Variants in CIZ1 observed in about 807,000 individuals in gnomAD.
CIZ1 encodes the protein cip1-interacting zinc finger protein.
Under a neutral mutation model 118.6 loss-of-function variants are expected in CIZ1, and 58 were observed. The observed-to-expected ratio is 0.49, with a 90% CI of 0.40 to 0.61. The LOEUF is 0.61. CIZ1 is among the 20% of genes least tolerant of loss of function. The pLI, the probability that CIZ1 is intolerant of heterozygous loss-of-function variation, is 0.00. For missense variants in CIZ1, 921 were observed against 1,115.9 expected (o/e 0.83, Z 2.49); for synonymous variants, 448 against 443.4 (o/e 1.01, Z -0.13).
At chr9:128,184,890 G>A (rs1188792336) in intron 5 of CIZ1, among the ~76,000 whole-genome samples, 2 of 151,970 alleles carry the variant, frequency 1.3e-5, no homozygotes, top group Non-Finnish European at 2.9e-5. Flanking sequence ...GGCTGGTTTC[G>A]AACCTCTGAC....
upstream of CIZ1, chr9:128,191,956 G>A (rs930375668): frequency 7.2e-7 from 1 of 1,385,020 alleles, no homozygotes; most frequent in Non-Finnish European, 9.4e-7. This position sits in a 1 kb window ranked among gnomAD's most constrained non-coding sequence, Gnocchi z 5.5. Context: ...GAGGGACCCA[G>A]GCCAGGCGAG....
chr9:128,194,313 G>A (rs910709892), upstream of CIZ1, among the ~76,000 whole-genome samples: 2 of 134,534 alleles, frequency 1.5e-5, no homozygotes, highest in Non-Finnish European at 3.0e-5. Flanking sequence ...AGTGAGCCAA[G>A]ATCGTACCAT....
At position 128,188,617 on chromosome 9, in the gene CIZ1, G is replaced by A. The variant is rs73607701; in HGVS notation, c.287-683C>T. 5.4e-3 allele frequency among the ~76,000 whole-genome samples: 815 copies of A among 151,976 alleles called. 8 individuals are homozygous for A. The highest frequency in any genetic ancestry group is 0.019 in the African/African-American group (781 of 41,460). On this transcript the variant is annotated intron_variant, in intron 3 of 16. Coordinates refer to ENST00000372938, the MANE Select transcript of CIZ1 (RefSeq NM_001131016.2). ...CATGAGCCACTGCACCTGGCCAAGA[G>A]TGTGAGTTATTTTCCTTTTTTTTTT... is the stretch of plus-strand genomic sequence containing the variant.
rs1172272973 is a variant in CIZ1, at chr9:128,190,371, C to T, written c.244G>A (p.Gly82Ser). Reference protein sequence around the residue: ...QGTNSASLLNGSMLQRALLLQ... With the variant: ...QGTNSASLLNSSMLQRALLLQ... ...AGCAAAGCTCTCTGCAGCATGGAGCCGTTGAGGAGGGAGGCTGAGTTGGTG... is the reference window on the plus strand; with the variant it reads ...AGCAAAGCTCTCTGCAGCATGGAGCTGTTGAGGAGGGAGGCTGAGTTGGTG... The change falls in exon 3 of 17, where the codon GGC becomes AGC. Residue 82 changes from glycine to serine, a missense_variant. Transcript: ENST00000372938. The T allele has an allele frequency of 3.1e-6, 5 of 1,613,864 alleles. No individual in the cohort carries two copies. The highest frequency in any genetic ancestry group is 2.2e-5 in the East Asian group (1 of 44,892).
Position 128,191,371 on chromosome 9 carries a change from T to G in CIZ1, c.-6+61A>C. On this transcript the variant is annotated intron_variant, in intron 1 of 16. Transcript: ENST00000372938. The surrounding 1 kb of genome is among the most constrained non-coding windows in gnomAD (Gnocchi z 5.5). ...CGCTCCCACCCCGCCAGCCGCCTCCTCCGCAGACACAGCCAGCTCGCAGGC... is the reference window on the plus strand; with the variant it reads ...CGCTCCCACCCCGCCAGCCGCCTCCGCCGCAGACACAGCCAGCTCGCAGGC... 1.7e-6 allele frequency: 1 copy of G among 587,690 alleles called. No homozygotes were observed. The highest frequency in any genetic ancestry group is 2.2e-6 in the Non-Finnish European group (1 of 464,708). The allele number at this position is 587,690 out of a possible 1,614,324, so 36.4% of individuals were successfully genotyped here.
intron 12 of CIZ1, 134 bp downstream of exon 12, chr9:128,169,886 C>T (rs545504726): frequency 4.4e-5 from 44 of 1,003,238 alleles, no homozygotes; most frequent in Non-Finnish European, 6.5e-5. Context: ...CTGACTCCTC[C>T]AGAAACTGCA....
At chr9:128,199,670 A>AC (rs1482224579) in intron 1 of CIZ1, among the ~76,000 whole-genome samples, 1 of 152,084 alleles carries the variant, frequency 6.6e-6, no homozygotes, top group African/African-American at 2.4e-5. Flanking sequence ...GTGCTACTGC[A>AC]CTCCAGTCTG....
intron 11 of CIZ1, among the ~76,000 whole-genome samples, chr9:128,171,764 T>A (rs1389671838): frequency 6.6e-6 from 1 of 151,284 alleles, no homozygotes; most frequent in Non-Finnish European, 1.5e-5. Context: ...ATAAATAAAA[T>A]AATACTTATT....
chr9:128,178,382 C>G lies in CIZ1; in HGVS notation c.1607G>C (p.Arg536Thr), dbSNP rs1340709311. The stretch of plus-strand genomic sequence containing the variant: ...GCCTCTACCCACCCCTGGCATCTCT[C>G]TCGCTCTGTTTTCACATTCTCCCAC... ...LDVGECENRAREMPGVWGAGG... is the reference protein window; with the variant it reads ...LDVGECENRATEMPGVWGAGG... The change falls in exon 9 of 17, where the codon AGA becomes ACA. Residue 536 changes from arginine (R) to threonine (T), a missense_variant. By Grantham distance (71) the Arg-to-Thr change is moderately conservative. Coordinates refer to ENST00000372938, the MANE Select transcript of CIZ1 (RefSeq NM_001131016.2). 1 of 1,613,786 alleles carries G rather than the reference C, an allele frequency of 6.2e-7. No homozygotes were observed. The highest frequency in any genetic ancestry group is 1.1e-5 in the South Asian group (1 of 91,060).
At chr9:128,196,462 C>G (rs938508495), upstream of CIZ1, among the ~76,000 whole-genome samples, 4 of 151,336 alleles carry the variant, frequency 2.6e-5, no homozygotes, top group Admixed American at 6.6e-5. Flanking sequence ...GTGAGAGGAT[C>G]ACTTGGGCCA....
upstream of CIZ1, among the ~76,000 whole-genome samples, chr9:128,193,428 A>G (rs1425056986): frequency 1.3e-5 from 2 of 151,770 alleles, no homozygotes; most frequent in African/African-American, 4.8e-5. Flanking sequence ...CCCAGGCTCT[A>G]CTGGGCACAG....
At chr9:128,177,510 G>T (rs1350935824) in intron 10 of CIZ1, 56 bp downstream of exon 10, 3 of 1,231,942 alleles carry the variant, frequency 2.4e-6, no homozygotes, top group African/African-American at 1.5e-5. Flanking sequence ...GGGAGGGCAG[G>T]CTGGGCATTC....
At chr9:128,190,656 C>A in intron 2 of CIZ1, 32 bp downstream of exon 2, 1 of 1,543,498 alleles carries the variant, frequency 6.5e-7, no homozygotes, top group South Asian at 1.2e-5. Flanking sequence ...AGTAGCAAGG[C>A]TGAAGCCATC....
At chr9:128,175,626 T>C (rs1830757621) in intron 11 of CIZ1, among the ~76,000 whole-genome samples, 1 of 152,234 alleles carries the variant, frequency 6.6e-6, no homozygotes, top group African/African-American at 2.4e-5. Context: ...TTTGATTTGC[T>C]CTCCGTAGGG....
intron 3 of CIZ1, among the ~76,000 whole-genome samples, chr9:128,188,931 T>C (rs1313718340): frequency 6.6e-6 from 1 of 152,206 alleles, no homozygotes; most frequent in Non-Finnish European, 1.5e-5. Context: ...CCTGGGTAGC[T>C]GGGACTACAG....
chr9:128,169,177 C>T lies in CIZ1; in HGVS notation c.2170G>A (p.Ala724Thr), dbSNP rs1482655699. ...ATGAAGTGGTCCTCATCTTGGCCAGCAATTTCTTTCTCAAGCGACTTCAGC... is the reference window on the plus strand; with the variant it reads ...ATGAAGTGGTCCTCATCTTGGCCAGTAATTTCTTTCTCAAGCGACTTCAGC... The part of the protein sequence containing the change: ...KELKSLEKEI[A>T]GQDEDHFITV... The change falls in exon 14 of 17, where the codon GCT (alanine) becomes ACT (threonine). Residue 724 changes from alanine (A) to threonine (T), a missense_variant. Physicochemically the swap from Ala to Thr is moderately conservative, Grantham distance 58 (BLOSUM62 0). Transcript: ENST00000372938. The T allele has an allele frequency of 1.2e-6, 2 of 1,614,100 alleles. No homozygotes were observed. Among genetic ancestry groups the T allele is most frequent in the Non-Finnish European group, 1.7e-6 (2 of 1,180,046 alleles).
intron 1 of CIZ1, among the ~76,000 whole-genome samples, chr9:128,202,370 A>C (rs2131056278): frequency 6.6e-6 from 1 of 152,276 alleles, no homozygotes; most frequent in South Asian, 2.1e-4. Flanking sequence ...TGTCTGTGTG[A>C]AAGGGTACGC....
chr9:128,203,463 C>A lies in CIZ1; in HGVS notation c.-6+723G>T. ...GCCGGATCGCAGCCTGCGGGGCCCGCCGCAGCCATGGGCAACCGCGGCATG... is the reference window on the plus strand; with the variant it reads ...GCCGGATCGCAGCCTGCGGGGCCCGACGCAGCCATGGGCAACCGCGGCATG... On this transcript the variant is annotated intron_variant, in intron 1 of 17. Coordinates refer to the CIZ1 transcript ENST00000372948. This position sits in a 1 kb window ranked among gnomAD's most constrained non-coding sequence, Gnocchi z 5.3. 6.7e-7 allele frequency: 1 copy of A among 1,481,746 alleles called. No homozygotes were observed. The allele number at this position is 1,481,746 out of a possible 1,614,324, so 91.8% of individuals were successfully genotyped here.
chr9:128,178,235 G>T, intron 9 of CIZ1, 134 bp downstream of exon 9: 1 of 1,113,266 alleles, frequency 9.0e-7, no homozygotes, highest in South Asian at 1.5e-5. Flanking sequence ...ACCCATCCTA[G>T]GCAGAGGGCT....
Sources: allele counts gnomAD v4.1 joint callset (sites outside exome capture counted in the v4.1 genomes callset), GRCh38; gene constraint gnomAD v4.1.1; non-coding constraint Gnocchi (gnomAD v3.1); transcripts MANE v1.5; gene names NCBI Gene and HGNC (gene_info 2026-07-23, HGNC 2026-07-21).